FER1L6: variants seen among roughly 807,000 people sequenced by gnomAD.
The protein encoded by FER1L6 is fer-1-like protein 6.
A neutral mutation model predicts 219.2 loss-of-function variants in FER1L6; 177 were observed. The observed-to-expected ratio is 0.81, with a 90% CI of 0.71 to 0.91. The LOEUF is 0.91. Ranked by LOEUF, FER1L6 falls within the 40% of genes least tolerant of loss-of-function variation. The pLI is 0.00. For missense variants in FER1L6, 2,153 were observed against 2,259.9 expected, an observed-to-expected ratio of 0.95 and a Z score of 0.96; for synonymous variants, 768 against 824.3, an observed-to-expected ratio of 0.93 and a Z score of 1.17.
At chr8:123,998,659 C>T (rs1386732350) in intron 12 of FER1L6, among the ~76,000 whole-genome samples, 1 of 152,078 alleles carries the variant, frequency 6.6e-6, no homozygotes, top group Non-Finnish European at 1.5e-5. Context: ...TGAGTTCACC[C>T]CTGGCCCCAG....
intron 1 of FER1L6, among the ~76,000 whole-genome samples, chr8:123,921,711 C>A (rs80142763): frequency 0.038 from 5,704 of 152,014 alleles, 323 homozygotes; most frequent in African/African-American, 0.13. Flanking sequence ...GAGGGCCAGA[C>A]ATGTCAACCG....
chr8:123,993,177 TCA>T (rs1414482894), intron 12 of FER1L6, among the ~76,000 whole-genome samples: 3 of 152,118 alleles, frequency 2.0e-5, no homozygotes, highest in African/African-American at 7.2e-5. Context: ...GCGCGGTGGC[TCA>T]CGCCTGTAAT....
chr8:123,901,237 T>C (rs1450579898), intron 1 of FER1L6, among the ~76,000 whole-genome samples: 1 of 152,158 alleles, frequency 6.6e-6, no homozygotes, highest in Non-Finnish European at 1.5e-5. Context: ...GCTAGGAGGG[T>C]TGTATTTTTC....
At chr8:123,959,552 C>T (rs1815174238) in intron 2 of FER1L6, among the ~76,000 whole-genome samples, 1 of 152,230 alleles carries the variant, frequency 6.6e-6, no homozygotes, top group South Asian at 2.1e-4. Flanking sequence ...CTCTCTGTAG[C>T]TACTGAGCAC....
chr8:123,883,912 C>T (rs1454179240), intron 1 of FER1L6, among the ~76,000 whole-genome samples: 2 of 152,214 alleles, frequency 1.3e-5, no homozygotes, highest in Non-Finnish European at 2.9e-5. Context: ...CGTTACAATA[C>T]TTACTTAATA....
intron 39 of FER1L6, among the ~76,000 whole-genome samples, chr8:124,105,511 A>C (rs1822729419): frequency 6.6e-6 from 1 of 152,208 alleles, no homozygotes; most frequent in Non-Finnish European, 1.5e-5. Flanking sequence ...GAGAGAGAGG[A>C]CTAGGCAGAG....
chr8:123,977,698 TC>T, intron 10 of FER1L6, 89 bp downstream of exon 10: 2 of 1,190,956 alleles, frequency 1.7e-6, no homozygotes, highest in Non-Finnish European at 2.4e-6. Flanking sequence ...AGAGCAGCAG[TC>T]CCCAGCCTTT....
At chr8:123,866,510 G>A (rs1188931664) in intron 1 of FER1L6, among the ~76,000 whole-genome samples, 1 of 152,096 alleles carries the variant, frequency 6.6e-6, no homozygotes, top group Non-Finnish European at 1.5e-5. Flanking sequence ...TATACCTAGA[G>A]ATGAGATTGC....
chr8:123,975,364 T>G, intron 8 of FER1L6, 58 bp downstream of exon 8: 1 of 1,463,326 alleles, frequency 6.8e-7, no homozygotes, highest in Non-Finnish European at 9.2e-7. Context: ...TTTAATCTCT[T>G]TCCCCTCCCT....
intron 20 of FER1L6, among the ~76,000 whole-genome samples, chr8:124,044,953 C>T (rs1256450984): frequency 6.6e-6 from 1 of 152,204 alleles, no homozygotes; most frequent in African/African-American, 2.4e-5. Context: ...TTATTATCCT[C>T]TGTATCCATT....
At chr8:123,904,079 G>A (rs1278641594) in intron 1 of FER1L6, among the ~76,000 whole-genome samples, 2 of 152,204 alleles carry the variant, frequency 1.3e-5, no homozygotes, top group Non-Finnish European at 2.9e-5. Flanking sequence ...GGCAGTAGAT[G>A]TGTAGAATTG....
intron 32 of FER1L6, among the ~76,000 whole-genome samples, chr8:124,078,654 G>A (rs570220162): frequency 3.3e-5 from 5 of 151,348 alleles, no homozygotes; most frequent in East Asian, 3.9e-4. Context: ...AAATAAATGC[G>A]TGATTACAAT....
rs56967015 is a variant in FER1L6 at position 124,092,627 on chromosome 8, G to C, written c.4552+1044G>C. On this transcript the variant is annotated intron_variant, in intron 34 of 40. Coordinates refer to ENST00000522917, the MANE Select transcript of FER1L6 (RefSeq NM_001039112.2). The stretch of plus-strand genomic sequence containing the variant: ...TCATACTGTCACACTGTGTTGGTCT[G>C]TTCTTGCATTGCTGTGAAGAAATGC... Among the ~76,000 whole-genome samples, 1,292 of 152,220 alleles carry C rather than the reference G, an allele frequency of 8.5e-3. 21 individuals carry two copies. The highest frequency in any genetic ancestry group is 0.029 in the African/African-American group (1,216 of 41,506).
intron 1 of FER1L6, among the ~76,000 whole-genome samples, chr8:123,911,610 T>C (rs4871422): frequency 0.27 from 40,881 of 152,064 alleles, 5,804 homozygotes; most frequent in East Asian, 0.44. Context: ...GTTCACTTAG[T>C]GAGCTCATCC....
intron 1 of FER1L6, among the ~76,000 whole-genome samples, chr8:123,935,423 T>C (rs1813948273): frequency 6.6e-6 from 1 of 152,218 alleles, no homozygotes; most frequent in Non-Finnish European, 1.5e-5. Context: ...GAACTAAGCG[T>C]CTAAGCTCTG....
At position 124,012,023 on chromosome 8, in the gene FER1L6, A is replaced by C. The variant is rs141613443; in HGVS notation, c.1821+1309A>C. 3.1e-3 allele frequency among the ~76,000 whole-genome samples: 478 copies of C among 152,220 alleles called. 3 individuals are homozygous for C. The highest frequency in any genetic ancestry group is 0.011 in the African/African-American group (449 of 41,550). On this transcript the variant is annotated intron_variant, in intron 14 of 40. Transcript: ENST00000522917. ...CCACCTAAGCCCAAGGAGGGAGAGA[A>C]AGCTGGGACCTCTGTTTCTCTGACA... is the stretch of plus-strand genomic sequence containing the variant.
chr8:124,021,252 A>G (rs1201993923), intron 16 of FER1L6, among the ~76,000 whole-genome samples: 1 of 152,180 alleles, frequency 6.6e-6, no homozygotes, highest in Non-Finnish European at 1.5e-5. Context: ...GGACACAGCC[A>G]AACCATGTCA....
intron 33 of FER1L6, among the ~76,000 whole-genome samples, chr8:124,088,270 T>C (rs1309521028): frequency 6.6e-6 from 1 of 152,020 alleles, no homozygotes; most frequent in East Asian, 1.9e-4. Flanking sequence ...TCCTTCCCCT[T>C]TCCTCAAGCA....
chr8:123,903,341 A>G lies in FER1L6; in HGVS notation c.-8+51156A>G, dbSNP rs146792767. 4.7e-3 allele frequency among the ~76,000 whole-genome samples: 710 copies of G among 152,346 alleles called. 2 individuals are homozygous for G. Among genetic ancestry groups the G allele is most frequent in the Middle Eastern group, 0.017 (5 of 294 alleles). ...CATTTACAAAATATAGTAATTCTCA[A>G]TCGCTGAAAATGTCAAATCCTAGAA... On this transcript the variant is annotated intron_variant, in intron 1 of 40. Coordinates refer to ENST00000522917, the MANE Select transcript of FER1L6 (RefSeq NM_001039112.2).
Sources: gnomAD v4.1 joint callset for allele counts (sites outside exome capture counted in the v4.1 genomes callset) on GRCh38, gnomAD v4.1.1 for gene constraint, MANE v1.5 for transcripts, NCBI Gene and HGNC (gene_info 2026-07-23, HGNC 2026-07-21) for gene names.